TMEM209: variants seen among roughly 807,000 people sequenced by gnomAD.
TMEM209 encodes transmembrane protein 209.
A neutral mutation model predicts 76.2 loss-of-function variants in TMEM209; 65 were observed. That is an observed-to-expected ratio of 0.85 (90% CI 0.70 to 1.05). TMEM209 has a LOEUF of 1.05. Among genes scored for constraint, TMEM209 ranks in the 50% least tolerant of loss-of-function variants. The pLI is 0.00. For missense variants in TMEM209, 623 were observed against 685.5 expected (o/e 0.91, Z 1.02); for synonymous variants, 239 against 237.6 (o/e 1.01, Z -0.06).
In TMEM209 at chr7:130,178,627, C is replaced by T. The variant is rs1028321894; in HGVS notation, c.1121-100G>A. The T allele has an allele frequency of 2.1e-6, 3 of 1,404,138 alleles. No homozygotes were observed. In the African/African-American group the frequency reaches 4.3e-5, roughly 20 times the overall value. 87.0% of individuals were successfully genotyped at this position (1,404,138 alleles called of 1,614,324 possible). On this transcript the variant is annotated intron_variant, in intron 9 of 14. Transcript: ENST00000397622. Reference sequence around the variant, plus strand: ...ATGTGTTCATACAGCTGGTTCCTCACTACCTTCAGGTCTTCATACAAGTCA... The same window carrying T: ...ATGTGTTCATACAGCTGGTTCCTCATTACCTTCAGGTCTTCATACAAGTCA...
intron 5 of TMEM209, 44 bp downstream of exon 5, chr7:130,201,806 C>T (rs1328847759): frequency 6.2e-7 from 1 of 1,607,940 alleles, no homozygotes. Context: ...GTATACCTCT[C>T]AATTCTAAAA....
chr7:130,185,243 T>C lies in TMEM209; in HGVS notation c.900A>G (p.Pro300=), dbSNP rs1025993468. The C allele has an allele frequency of 1.2e-6, 2 of 1,613,990 alleles. No homozygotes were observed. Among genetic ancestry groups the C allele is most frequent in the Non-Finnish European group, 1.7e-6 (2 of 1,179,878 alleles). The change falls in exon 7 of 15, where the codon CCA becomes CCG. Residue 300 remains proline, a synonymous_variant. Transcript: ENST00000397622. The part of the protein sequence containing the change: ...QYQLACRSQA[P]CANKDEADLS... ...GATCGGCTTCATCTTTGTTAGCACA[T>C]GGGGCCTGAGACCTACAGGCAAGCT...
intron 8 of TMEM209, among the ~76,000 whole-genome samples, chr7:130,183,711 T>C (rs1036569944): frequency 2.0e-5 from 3 of 152,160 alleles, no homozygotes; most frequent in African/African-American, 7.2e-5. Context: ...ACTCTGTATA[T>C]GGAAAAGTTG....
rs780248134 is a variant in TMEM209, at chr7:130,184,198, C to G, written c.1009G>C (p.Ala337Pro). 3 of 1,605,100 alleles carry G rather than the reference C, an allele frequency of 1.9e-6. No individual in the cohort carries two copies. Among genetic ancestry groups the G allele is most frequent in the Non-Finnish European group, 2.6e-6 (3 of 1,175,942 alleles). The change falls in exon 8 of 15, where the codon GCT (alanine) becomes CCT (proline). Residue 337 changes from alanine to proline, a missense_variant. Physicochemically the swap from Ala to Pro is conservative, Grantham distance 27. Coordinates refer to ENST00000397622, the MANE Select transcript of TMEM209 (RefSeq NM_032842.4). ...TCAGAACTTACATTTCTAAATTTAGCTGTCCATGAATCCATATGATCAAGA... is the reference window on the plus strand; with the variant it reads ...TCAGAACTTACATTTCTAAATTTAGGTGTCCATGAATCCATATGATCAAGA... ...QLLDHMDSWT[A>P]KFRNWINETI...
In TMEM209 at chr7:130,185,494, C is replaced by T. The variant is rs1797568855; in HGVS notation, c.776-127G>A. ...AACCCTCAAGGAGATTCTCTTCTCCCCAACATAATTTTCTCTTTAGAGATC... is the reference window on the plus strand; with the variant it reads ...AACCCTCAAGGAGATTCTCTTCTCCTCAACATAATTTTCTCTTTAGAGATC... On this transcript the variant is annotated intron_variant, in intron 6 of 14. Coordinates refer to ENST00000397622, the MANE Select transcript of TMEM209 (RefSeq NM_032842.4). The T allele has an allele frequency of 5.2e-6, 4 of 770,996 alleles. No homozygotes were observed. In the Admixed American group the frequency reaches 1.0e-4, roughly 20 times the overall value. 47.8% of individuals were successfully genotyped at this position (770,996 alleles called of 1,614,324 possible). A position where few individuals can be genotyped will look rare whatever the true frequency, so the allele number is the denominator to read the frequency against.
intron 8 of TMEM209, among the ~76,000 whole-genome samples, chr7:130,183,740 C>A (rs1467617453): frequency 1.3e-5 from 2 of 152,172 alleles, no homozygotes; most frequent in African/African-American, 2.4e-5. Flanking sequence ...TTAGAGGGTT[C>A]TTCTCTAGAA....
chr7:130,201,943 A>T lies in TMEM209; in HGVS notation c.480T>A (p.Thr160=). 1 of 1,613,980 alleles carries T rather than the reference A, an allele frequency of 6.2e-7. No homozygotes were observed. Among genetic ancestry groups the T allele is most frequent in the South Asian group, 1.1e-5 (1 of 91,082 alleles). ...GACCTTGCAGCTGAGGGCTGTAACC[A>T]GTCATACAGCTGGTGGTGAACTTGG... The part of the protein sequence containing the change: ...TSPKFTTSCM[T]GYSPQLQGLS... Residue 160 remains threonine (T), a synonymous_variant, in exon 5 of 15, where the codon ACT becomes ACA. Transcript: ENST00000397622.
At chr7:130,193,003 A>G (rs1797851312) in intron 5 of TMEM209, among the ~76,000 whole-genome samples, 180 bp from the exon 6 acceptor site, 1 of 152,220 alleles carries the variant, frequency 6.6e-6, no homozygotes, top group Admixed American at 6.5e-5. Flanking sequence ...GGAATGCAAA[A>G]TGATACAGCC....
At chr7:130,191,222 TAA>T (rs1317438167) in intron 6 of TMEM209, among the ~76,000 whole-genome samples, 2 of 151,122 alleles carry the variant, frequency 1.3e-5, no homozygotes, top group East Asian at 3.9e-4. Flanking sequence ...GCAAAAAGCC[TAA>T]GAGATAAAGA....
chr7:130,195,562 A>G lies in TMEM209; in HGVS notation c.574-2739T>C, dbSNP rs11983201. On this transcript the variant is annotated intron_variant, in intron 5 of 14. Transcript: ENST00000397622. ...TTAAATGAACTCTTGAATATAATGTATTAATAGAATTCTTGCATTGTTAGG... is the reference window on the plus strand; with the variant it reads ...TTAAATGAACTCTTGAATATAATGTGTTAATAGAATTCTTGCATTGTTAGG... 6.3e-3 allele frequency among the ~76,000 whole-genome samples: 961 copies of G among 152,074 alleles called. 7 individuals are homozygous for G. Among genetic ancestry groups the G allele is most frequent in the African/African-American group, 0.021 (873 of 41,520 alleles).
At position 130,175,577 on chromosome 7, in the gene TMEM209, G is replaced by T. The variant is rs1200846172; in HGVS notation, c.1279C>A (p.Arg427=). The change falls in exon 11 of 15, where the codon CGA becomes AGA. Residue 427 remains arginine, a synonymous_variant. Transcript: ENST00000397622. ...LSQGGCMSSF[R]WNRGGDFKGR... ...TTGAAGTCGCCACCTCTGTTCCATC[G>T]AAATGAGCTCATACAACCTCCCTGA... 19 of 1,612,826 alleles carry T rather than the reference G, an allele frequency of 1.2e-5. No individual in the cohort carries two copies. The South Asian group carries it at 2.0e-4, about 17-fold the overall frequency.
In TMEM209 at chr7:130,184,196, A is replaced by T; in HGVS notation, c.1011T>A (p.Ala337=). The T allele has an allele frequency of 1.2e-6, 2 of 1,605,574 alleles. No individual in the cohort carries two copies. The highest frequency in any genetic ancestry group is 1.7e-6 in the Non-Finnish European group (2 of 1,176,026). The part of the protein sequence containing the change: ...QLLDHMDSWT[A]KFRNWINETI... Reference sequence around the variant, plus strand: ...TGTCAGAACTTACATTTCTAAATTTAGCTGTCCATGAATCCATATGATCAA... The same window carrying T: ...TGTCAGAACTTACATTTCTAAATTTTGCTGTCCATGAATCCATATGATCAA... The change falls in exon 8 of 15, where the codon GCT becomes GCA. Residue 337 remains alanine, a synonymous_variant. Coordinates refer to ENST00000397622, the MANE Select transcript of TMEM209 (RefSeq NM_032842.4).
At chr7:130,173,514 A>G in intron 13 of TMEM209, 118 bp downstream of exon 13, 1 of 699,030 alleles carries the variant, frequency 1.4e-6, no homozygotes, top group Non-Finnish European at 2.4e-6. Flanking sequence ...TGTAGGAAAC[A>G]CATTTCCAAT....
chr7:130,175,322 G>T, intron 11 of TMEM209, 190 bp downstream of exon 11: 1 of 484,750 alleles, frequency 2.1e-6, no homozygotes, highest in Non-Finnish European at 3.6e-6. Context: ...AATTAGCTGG[G>T]TGTGGTGGTT....
intron 9 of TMEM209, among the ~76,000 whole-genome samples, chr7:130,179,108 A>G (rs1797332087): frequency 6.6e-6 from 1 of 151,970 alleles, no homozygotes; most frequent in African/African-American, 2.4e-5. Context: ...TATCTTTTTT[A>G]TTGTCTATCT....
rs1426435791 is a variant in TMEM209 at position 130,204,080 on chromosome 7, G to A, written c.34C>T (p.Leu12Phe). The change falls in exon 2 of 15, where the codon CTT (leucine) becomes TTT (phenylalanine). Residue 12 changes from leucine (L) to phenylalanine (F), a missense_variant. Transcript: ENST00000397622. ...MQGEAHPSASLIDRTIKMRKE... is the reference protein window; with the variant it reads ...MQGEAHPSASFIDRTIKMRKE... ...CTCATCTTGATGGTTCTGTCAATAA[G>A]GGAAGCACTAGGGTGTGCCTCCCCC... 4.3e-6 allele frequency: 7 copies of A among 1,612,440 alleles called. No individual in the cohort carries two copies. Among genetic ancestry groups the A allele is most frequent in the Non-Finnish European group, 5.9e-6 (7 of 1,179,286 alleles).
At chr7:130,167,224 G>C (rs974270040) in intron 14 of TMEM209, among the ~76,000 whole-genome samples, 1 of 152,088 alleles carries the variant, frequency 6.6e-6, no homozygotes, top group African/African-American at 2.4e-5. Context: ...ACAGGGAATT[G>C]CTCATTTCTG....
chr7:130,167,674 C>T (rs1204907361), intron 14 of TMEM209, among the ~76,000 whole-genome samples: 1 of 152,124 alleles, frequency 6.6e-6, no homozygotes, highest in Admixed American at 6.5e-5. Context: ...AGTCACTGTG[C>T]AGTCAAGTCT....
At chr7:130,183,940 C>T (rs574596632) in intron 8 of TMEM209, among the ~76,000 whole-genome samples, 1 of 152,192 alleles carries the variant, frequency 6.6e-6, no homozygotes, top group South Asian at 2.1e-4. Context: ...ATCTCAATAA[C>T]TAAACATATT....
Sources: gnomAD v4.1 joint callset for allele counts (sites outside exome capture counted in the v4.1 genomes callset) on GRCh38, gnomAD v4.1.1 for gene constraint, MANE v1.5 for transcripts, NCBI Gene and HGNC (gene_info 2026-07-23, HGNC 2026-07-21) for gene names.